Variants in FANCM observed in about 807,000 individuals in gnomAD.
FANCM encodes the protein Fanconi anemia group M protein.
A neutral mutation model predicts 199.5 loss-of-function variants in FANCM; 140 were observed. That is an observed-to-expected ratio of 0.70 (90% CI 0.61 to 0.81). The LOEUF is 0.81. Ranked by LOEUF, FANCM falls within the 30% of genes least tolerant of loss-of-function variation. The probability of loss-of-function intolerance (pLI) is 0.00; values close to 1 mark genes in which losing one functional copy is unlikely to be tolerated. For missense variants in FANCM, 2,410 were observed against 2,421.4 expected, an observed-to-expected ratio of 1.00 and a Z score of 0.10; for synonymous variants, 840 against 836.8, an observed-to-expected ratio of 1.00 and a Z score of -0.07.
intron 20 of FANCM, among the ~76,000 whole-genome samples, chr14:45,190,585 T>TA (rs1594817091): frequency 6.6e-6 from 1 of 152,112 alleles, no homozygotes; most frequent in Non-Finnish European, 1.5e-5. Context: ...TTAACCCCCT[T>TA]ACTAACCACT....
Position 45,175,596 on chromosome 14 carries a change from A to G in FANCM, c.2842A>G (p.Ser948Gly), listed in dbSNP as rs1432794224. Residue 948 changes from serine (S) to glycine (G), a missense_variant, in exon 14 of 23, where the codon AGT (serine) becomes GGT (glycine). Coordinates refer to ENST00000267430, the MANE Select transcript of FANCM (RefSeq NM_020937.4). The part of the protein sequence containing the change: ...AGNVLDSGYN[S>G]FNDEKSVSSN... ...AAATGTTTTAGATTCTGGTTATAAC[A>G]GTTTCAATGATGAAAAATCTGTTTC... The G allele has an allele frequency of 1.2e-6, 2 of 1,613,510 alleles. No homozygotes were observed. Among genetic ancestry groups the G allele is most frequent in the Non-Finnish European group, 8.5e-7 (1 of 1,179,756 alleles).
chr14:45,138,591 G>A (rs1240093586), intron 2 of FANCM, among the ~76,000 whole-genome samples: 1 of 152,056 alleles, frequency 6.6e-6, no homozygotes, highest in Non-Finnish European at 1.5e-5. Flanking sequence ...AACATAGTGA[G>A]ACCCTGTGTC....
intron 20 of FANCM, chr14:45,195,677 G>T: frequency 2.9e-6 from 1 of 340,112 alleles, no homozygotes; most frequent in East Asian, 7.7e-5. Context: ...GACCAGTTAT[G>T]TATTTCTAAA....
Position 45,183,790 on chromosome 14 carries a change from G to A in FANCM, c.4403G>A (p.Ser1468Asn). 2 of 1,605,788 alleles carry A rather than the reference G, an allele frequency of 1.2e-6. No homozygotes were observed. Among genetic ancestry groups the A allele is most frequent in the Non-Finnish European group, 1.7e-6 (2 of 1,172,788 alleles). The change falls in exon 17 of 23, where the codon AGT becomes AAT. Residue 1468 changes from serine to asparagine, a missense_variant. Physicochemically the swap from Ser to Asn is conservative, Grantham distance 46. Transcript: ENST00000267430. ...FPINRSELSS[S>N]DESENFPKPC... is the part of the protein sequence containing the mutation. ...TTATTATAGTCAGAATTATCATCTA[G>A]TGATGAGAGTGAGAATTTTCCCAAA...
intron 13 of FANCM, among the ~76,000 whole-genome samples, chr14:45,174,614 C>T (rs577984879): frequency 6.6e-6 from 1 of 152,236 alleles, no homozygotes; most frequent in Non-Finnish European, 1.5e-5. Context: ...AGCAGACATA[C>T]AGGTACTACT....
chr14:45,180,393 T>C (rs1322127680), intron 14 of FANCM, among the ~76,000 whole-genome samples: 1 of 152,120 alleles, frequency 6.6e-6, no homozygotes, highest in East Asian at 1.9e-4. Context: ...TTTCTTGCCA[T>C]GTGGACCTCT....
intron 21 of FANCM, chr14:45,198,366 G>C (rs896384816): frequency 3.9e-6 from 1 of 256,116 alleles, no homozygotes; most frequent in Non-Finnish European, 7.5e-6. Flanking sequence ...CTAGAGATGA[G>C]TAATACAGTC....
At chr14:45,154,603 C>T (rs756825593) in intron 6 of FANCM, 94 bp from the exon 7 acceptor site, 145 of 910,014 alleles carry the variant, frequency 1.6e-4, no homozygotes, top group Non-Finnish European at 2.3e-4. Flanking sequence ...GAAAAACTTA[C>T]ATTCATTGCT....
chr14:45,187,252 G>GT (rs935817691), intron 18 of FANCM, among the ~76,000 whole-genome samples: 3 of 141,598 alleles, frequency 2.1e-5, no homozygotes, highest in African/African-American at 5.2e-5. Context: ...ATTATCTTTT[G>GT]TTTTTATGTA....
At position 45,153,949 on chromosome 14, in the gene FANCM, G is replaced by A. The variant is rs368978415; in HGVS notation, c.1080G>A (p.Glu360=). The A allele has an allele frequency of 6.2e-7, 1 of 1,607,764 alleles. No homozygotes were observed. The highest frequency in any genetic ancestry group is 8.5e-7 in the Non-Finnish European group (1 of 1,174,348). Residue 360 remains glutamate, a synonymous_variant, in exon 6 of 23, where the codon GAG becomes GAA. Coordinates refer to ENST00000267430, the MANE Select transcript of FANCM (RefSeq NM_020937.4). ...VGIQQGIIEG[E]FAICISLYHG... is the part of the protein sequence containing the mutation. ...TACAACAAGGCATAATCGAGGGAGAGTTTGCTATTTGTATTAGTTTATATC... is the reference window on the plus strand; with the variant it reads ...TACAACAAGGCATAATCGAGGGAGAATTTGCTATTTGTATTAGTTTATATC...
intron 8 of FANCM, among the ~76,000 whole-genome samples, chr14:45,156,418 C>T (rs1887193019): frequency 6.6e-6 from 1 of 152,134 alleles, no homozygotes; most frequent in African/African-American, 2.4e-5. Context: ...AATGACATGA[C>T]ATTTTAAGGA....
chr14:45,199,746 C>A, intron 22 of FANCM, 124 bp from the exon 23 acceptor site: 2 of 810,498 alleles, frequency 2.5e-6, no homozygotes, highest in South Asian at 1.5e-5. Flanking sequence ...GACATATCAG[C>A]TGGGCGGATA....
At chr14:45,146,240 GAAAAA>G (rs143430263) in intron 3 of FANCM, among the ~76,000 whole-genome samples, 1 of 93,182 alleles carries the variant, frequency 1.1e-5, no homozygotes, top group East Asian at 3.4e-4. Context: ...GACTCCGTCT[GAAAAA>G]AAAAAAAAAA....
rs979749079 is a variant in FANCM at position 45,200,292 on chromosome 14, A to T, written c.*284A>T. 1 of 162,026 alleles carries T rather than the reference A, an allele frequency of 6.2e-6. No homozygotes were observed. The highest frequency in any genetic ancestry group is 1.3e-5 in the Non-Finnish European group (1 of 76,318). The allele number at this position is 162,026 out of a possible 1,614,324, so 10.0% of individuals were successfully genotyped here. A position where few individuals can be genotyped will look rare whatever the true frequency, so the allele number is the denominator to read the frequency against. ...TTTAAGAAAGTAAAAGCTAAGCTAG[A>T]GATATACTTTGGAATGTTTCCCAAA... On this transcript the variant is annotated 3_prime_UTR_variant, in exon 23 of 23. Coordinates refer to ENST00000267430, the MANE Select transcript of FANCM (RefSeq NM_020937.4).
chr14:45,176,306 G>T lies in FANCM; in HGVS notation c.3552G>T (p.Leu1184Phe), dbSNP rs2139249499. The T allele has an allele frequency of 6.2e-7, 1 of 1,613,870 alleles. No individual in the cohort carries two copies. Among genetic ancestry groups the T allele is most frequent in the Non-Finnish European group, 8.5e-7 (1 of 1,179,946 alleles). Residue 1184 changes from leucine to phenylalanine, a missense_variant, in exon 14 of 23, where the codon TTG becomes TTT. By Grantham distance (22) the Leu-to-Phe change is conservative. Transcript: ENST00000267430. ...SQFLISDELL[L>F]DNNSELQDQI... ...TCTTAATTTCTGATGAACTTTTGTT[G>T]GACAATAATTCTGAACTCCAAGATC...
intron 4 of FANCM, among the ~76,000 whole-genome samples, chr14:45,151,122 TGAGA>T (rs1318255128): frequency 6.6e-6 from 1 of 151,966 alleles, no homozygotes. Flanking sequence ...GTGTGTAGGT[TGAGA>T]GAGAGAGGAG....
chr14:45,143,505 A>T (rs530403649), intron 3 of FANCM, among the ~76,000 whole-genome samples: 14 of 151,776 alleles, frequency 9.2e-5, no homozygotes, highest in African/African-American at 3.4e-4. Flanking sequence ...TGCTTCTGTA[A>T]CTTTCTGACA....
chr14:45,177,766 T>C (rs1294729565), intron 14 of FANCM, among the ~76,000 whole-genome samples: 1 of 152,168 alleles, frequency 6.6e-6, no homozygotes, highest in Non-Finnish European at 1.5e-5. Flanking sequence ...TTGAAGATAC[T>C]AAAGACATAA....
Position 45,136,258 on chromosome 14 carries a change from G to C in FANCM, c.227G>C (p.Cys76Ser). ...RQLCLENGGF[C>S]TSAGALWIYP... ...TTGTGTCTAGAGAATGGCGGGTTCT[G>C]CACCTCCGCGGGCGCCCTGTGGATT... Residue 76 changes from cysteine to serine, a missense_variant, in exon 1 of 23, where the codon TGC becomes TCC. By Grantham distance (112) the Cys-to-Ser change is moderately radical (BLOSUM62 -1). Coordinates refer to ENST00000267430, the MANE Select transcript of FANCM (RefSeq NM_020937.4). The C allele has an allele frequency of 1.2e-6, 2 of 1,614,160 alleles. No individual in the cohort carries two copies. Among genetic ancestry groups the C allele is most frequent in the Admixed American group, 1.7e-5 (1 of 60,028 alleles).
Sources: allele counts gnomAD v4.1 joint callset (sites outside exome capture counted in the v4.1 genomes callset), GRCh38; gene constraint gnomAD v4.1.1; transcripts MANE v1.5; gene names NCBI Gene and HGNC (gene_info 2026-07-23, HGNC 2026-07-21).